ARHGEF38: variants seen among roughly 807,000 people sequenced by gnomAD.
ARHGEF38 encodes Rho guanine nucleotide exchange factor 38, also known as Rho guanine nucleotide exchange factor (GEF) 38.
In ARHGEF38, 79 loss-of-function variants were observed where a neutral mutation model predicts 79.9. The observed-to-expected ratio is 0.99, with a 90% CI of 0.82 to 1.19. ARHGEF38 has a LOEUF of 1.19. Ranked by LOEUF, ARHGEF38 falls within the 50% of genes most tolerant of loss-of-function variation. The pLI, the probability that ARHGEF38 is intolerant of heterozygous loss-of-function variation, is 0.00. For synonymous variants in ARHGEF38, 366 were observed against 328.3 expected, an observed-to-expected ratio of 1.11 and a Z score of -1.24; for missense variants, 962 against 907.2, an observed-to-expected ratio of 1.06 and a Z score of -0.78.
chr4:105,588,064 C>T (rs1487218736), intron 1 of ARHGEF38, among the ~76,000 whole-genome samples: 1 of 152,210 alleles, frequency 6.6e-6, no homozygotes, highest in African/African-American at 2.4e-5. Flanking sequence ...ATTCCTGGGG[C>T]AGTCTCTTGA....
chr4:105,584,842 C>T (rs887133592), intron 1 of ARHGEF38, among the ~76,000 whole-genome samples: 17 of 152,144 alleles, frequency 1.1e-4, no homozygotes, highest in African/African-American at 2.7e-4. Context: ...CTAAGCAAAA[C>T]GTGGCTATCA....
chr4:105,568,100 A>G (rs913461686), intron 1 of ARHGEF38, among the ~76,000 whole-genome samples: 1 of 150,724 alleles, frequency 6.6e-6, no homozygotes, highest in Non-Finnish European at 1.5e-5. Context: ...TGTCCCTACA[A>G]AGGACACGAA....
rs1243489168 is a variant in ARHGEF38, at chr4:105,678,761, A to G, written c.*824A>G. ...CCAAAAATAAAATTCTAAGGCTTCC[A>G]ACCATCTAAATAGACTTCCCCTTCA... On this transcript the variant is annotated 3_prime_UTR_variant, in exon 14 of 14. Coordinates refer to ENST00000420470, the MANE Select transcript of ARHGEF38 (RefSeq NM_001242729.2). 20 of 151,826 alleles carry G rather than the reference A, an allele frequency of 1.3e-4. No individual in the cohort carries two copies. The highest frequency in any genetic ancestry group is 1.3e-3 in the Admixed American group (20 of 15,248). 9.4% of individuals were successfully genotyped at this position (151,826 alleles called of 1,614,324 possible).
intron 13 of ARHGEF38, among the ~76,000 whole-genome samples, chr4:105,672,659 G>A (rs1048538220): frequency 3.3e-5 from 5 of 152,154 alleles, no homozygotes; most frequent in African/African-American, 1.2e-4. Flanking sequence ...TTTCTCAGGG[G>A]CTGTTGTCAG....
At position 105,613,397 on chromosome 4, in the gene ARHGEF38, A is replaced by T; in HGVS notation, c.398A>T (p.Asp133Val). 6.2e-7 allele frequency: 1 copy of T among 1,613,154 alleles called. No individual in the cohort carries two copies. Among genetic ancestry groups the T allele is most frequent in the Non-Finnish European group, 8.5e-7 (1 of 1,179,358 alleles). The stretch of plus-strand genomic sequence containing the variant: ...TTGTTTCTTCAGACTGATAGGCTGG[A>T]TGTGGATAGCTTGTTTAGCAACATT... ...PLRNKKTDRLDVDSLFSNIES... is the reference protein window; with the variant it reads ...PLRNKKTDRLVVDSLFSNIES... The change falls in exon 3 of 14, where the codon GAT becomes GTT. Residue 133 changes from aspartate (D) to valine (V), a missense_variant. Physicochemically the swap from Asp to Val is radical, Grantham distance 152. Transcript: ENST00000420470.
intron 1 of ARHGEF38, among the ~76,000 whole-genome samples, chr4:105,560,129 C>T (rs1043101163): frequency 1.3e-5 from 2 of 152,278 alleles, no homozygotes; most frequent in Non-Finnish European, 2.9e-5. Context: ...TCTCTGCTAC[C>T]ATAATAAAGC....
Position 105,597,383 on chromosome 4 carries a change from C to A in ARHGEF38, c.384+7948C>A, listed in dbSNP as rs150683741. Among the ~76,000 whole-genome samples, 158 of 152,256 alleles carry A rather than the reference C, an allele frequency of 1.0e-3. No homozygotes were observed. The Middle Eastern group carries it at 0.014, about 13-fold the overall frequency. On this transcript the variant is annotated intron_variant, in intron 2 of 13. Transcript: ENST00000420470. ...TCAAAATTGTTTTCTCCAGCTGTCA[C>A]CTTCACTAAAAGACATTTACTGTTT...
At chr4:105,642,866 TAA>T (rs1252964579) in intron 5 of ARHGEF38, among the ~76,000 whole-genome samples, 1 of 152,134 alleles carries the variant, frequency 6.6e-6, no homozygotes, top group Non-Finnish European at 1.5e-5. Flanking sequence ...AAAGATTAAA[TAA>T]GTTAGCATTT....
intron 10 of ARHGEF38, among the ~76,000 whole-genome samples, chr4:105,662,265 C>T (rs1396030624): frequency 6.6e-6 from 1 of 151,902 alleles, no homozygotes; most frequent in Non-Finnish European, 1.5e-5. Context: ...TGGTATTTTT[C>T]TCCTTAATTT....
rs548435839 is a variant in ARHGEF38 at position 105,564,831 on chromosome 4, A to T, written c.196+11870A>T. ...AGATATTTATTCTGAGCCAAATATGAGTGGCCAATGGCCTGTGACACAGCC... is the reference window on the plus strand; with the variant it reads ...AGATATTTATTCTGAGCCAAATATGTGTGGCCAATGGCCTGTGACACAGCC... On this transcript the variant is annotated intron_variant, in intron 1 of 13. Coordinates refer to ENST00000420470, the MANE Select transcript of ARHGEF38 (RefSeq NM_001242729.2). 1.7e-3 allele frequency among the ~76,000 whole-genome samples: 263 copies of T among 152,322 alleles called. 2 individuals are homozygous for T. Among genetic ancestry groups the T allele is most frequent in the Admixed American group, 5.4e-3 (82 of 15,298 alleles).
At position 105,630,910 on chromosome 4, in the gene ARHGEF38, T is replaced by C; in HGVS notation, c.521T>C (p.Leu174Ser). ...TTGCATTTATCAGGAGAAGTATTCT[T>C]GCAGATTAAAGGGCCACTGGAAGAT... is the stretch of plus-strand genomic sequence containing the variant. ...PAMQVIGEVF[L>S]QIKGPLEDIY... is the part of the protein sequence containing the mutation. Residue 174 changes from leucine to serine, a missense_variant, in exon 4 of 14, where the codon TTG becomes TCG. Physicochemically the swap from Leu to Ser is moderately radical, Grantham distance 145. Transcript: ENST00000420470. The C allele has an allele frequency of 1.9e-6, 3 of 1,609,714 alleles. No homozygotes were observed. Among genetic ancestry groups the C allele is most frequent in the Non-Finnish European group, 2.5e-6 (3 of 1,178,782 alleles).
At chr4:105,642,579 A>G (rs1729665353) in intron 5 of ARHGEF38, among the ~76,000 whole-genome samples, 1 of 152,178 alleles carries the variant, frequency 6.6e-6, no homozygotes. Flanking sequence ...TTAACATTTT[A>G]CTTCCCATTC....
At chr4:105,603,387 G>C (rs373355743) in intron 2 of ARHGEF38, among the ~76,000 whole-genome samples, 4 of 152,102 alleles carry the variant, frequency 2.6e-5, no homozygotes, top group African/African-American at 9.7e-5. Context: ...GGGAGGATGG[G>C]TGAGGAGAGG....
intron 1 of ARHGEF38, among the ~76,000 whole-genome samples, chr4:105,557,291 C>T (rs564397376): frequency 5.3e-5 from 8 of 151,830 alleles, no homozygotes; most frequent in African/African-American, 1.9e-4. Context: ...TGTATGTGTT[C>T]GTGTGTGTAC....
intron 5 of ARHGEF38, among the ~76,000 whole-genome samples, chr4:105,636,792 T>C (rs1314697021): frequency 6.6e-6 from 1 of 152,100 alleles, no homozygotes; most frequent in Non-Finnish European, 1.5e-5. Context: ...CATTTGAAGT[T>C]TCTATAGATT....
intron 3 of ARHGEF38, among the ~76,000 whole-genome samples, 154 bp from the exon 4 acceptor site, chr4:105,630,744 A>G (rs963776324): frequency 2.0e-5 from 3 of 152,240 alleles, no homozygotes; most frequent in African/African-American, 7.2e-5. Flanking sequence ...AAGGAAAAAA[A>G]AATCACTCAA....
chr4:105,623,964 CACCA>C (rs1728843175), intron 3 of ARHGEF38, among the ~76,000 whole-genome samples: 1 of 152,108 alleles, frequency 6.6e-6, no homozygotes, highest in Admixed American at 6.6e-5. Flanking sequence ...TTGAGAGCCC[CACCA>C]CAATTATGAC....
chr4:105,661,520 T>C (rs1730563880), intron 10 of ARHGEF38, among the ~76,000 whole-genome samples: 1 of 149,160 alleles, frequency 6.7e-6, no homozygotes, highest in Non-Finnish European at 1.5e-5. Context: ...ATTATTATTG[T>C]TATAGCTATC....
chr4:105,650,174 A>G (rs1402627788), intron 7 of ARHGEF38, among the ~76,000 whole-genome samples: 1 of 152,098 alleles, frequency 6.6e-6, no homozygotes, highest in Admixed American at 6.5e-5. Flanking sequence ...TTCCTATGTG[A>G]TGTTAAGTCC....
Sources: allele counts gnomAD v4.1 joint callset (sites outside exome capture counted in the v4.1 genomes callset), GRCh38; gene constraint gnomAD v4.1.1; transcripts MANE v1.5; gene names NCBI Gene and HGNC (gene_info 2026-07-23, HGNC 2026-07-21).